Variants in DNAJC10 observed in about 807,000 individuals in gnomAD.
The protein encoded by DNAJC10 is endoplasmic reticulum disulfide reductase DNAJC10.
A neutral mutation model predicts 115.0 loss-of-function variants in DNAJC10; 101 were observed. The observed-to-expected ratio is 0.88, with a 90% CI of 0.75 to 1.04. The LOEUF (loss-of-function observed/expected upper bound fraction) is 1.04. Among genes scored for constraint, DNAJC10 ranks in the 50% least tolerant of loss-of-function variants. The pLI is 0.00. For missense variants in DNAJC10, 981 were observed against 928.8 expected, an observed-to-expected ratio of 1.06 and a Z score of -0.73; for synonymous variants, 307 against 301.5, an observed-to-expected ratio of 1.02 and a Z score of -0.19.
chr2:182,744,744 C>T (rs1275879809), intron 14 of DNAJC10, among the ~76,000 whole-genome samples: 1 of 152,046 alleles, frequency 6.6e-6, no homozygotes, highest in African/African-American at 2.4e-5. Flanking sequence ...AAGTAACTTG[C>T]CCTATGACAG....
At chr2:182,724,582 A>T (rs1253679027) in intron 5 of DNAJC10, among the ~76,000 whole-genome samples, 5 of 152,194 alleles carry the variant, frequency 3.3e-5, no homozygotes, top group Non-Finnish European at 7.4e-5. Context: ...CTCAGTGTTC[A>T]CCTACATTTC....
chr2:182,729,717 T>G, intron 7 of DNAJC10, 131 bp from the exon 8 acceptor site: 1 of 512,078 alleles, frequency 2.0e-6, no homozygotes, highest in South Asian at 3.5e-5. Flanking sequence ...TGGAAATACA[T>G]TCTGCTATTG....
In DNAJC10 at chr2:182,757,787, A is replaced by AT. The variant is rs1283431287; in HGVS notation, c.1911dup (p.Pro638SerfsTer6). The stretch of plus-strand genomic sequence containing the variant: ...ACGTTCAAAGATACCCTGAGATAAG[A>AT]TTTTTTCCCCCAAAATCAAATAAAG... On this transcript the variant is annotated frameshift_variant, in exon 19 of 24. Transcript: ENST00000264065. LOFTEE classifies it high-confidence loss of function. The AT allele has an allele frequency of 1.9e-6, 3 of 1,561,816 alleles. No individual in the cohort carries two copies. Among genetic ancestry groups the AT allele is most frequent in the African/African-American group, 1.4e-5 (1 of 73,342 alleles).
chr2:182,763,356 A>G (rs774193338), intron 22 of DNAJC10, among the ~76,000 whole-genome samples: 3 of 152,168 alleles, frequency 2.0e-5, no homozygotes, highest in Admixed American at 6.6e-5. Flanking sequence ...CTTTTTGTCC[A>G]GAGCTTATAG....
chr2:182,785,474 T>G lies in DNAJC10; in HGVS notation c.*8342T>G, dbSNP rs189545666. On this transcript the variant is annotated 3_prime_UTR_variant, in exon 24 of 24. Transcript: ENST00000264065. ...GTTTGGAAAAATTGCTTACTTCATA[T>G]CTGTATCCTAATTATCCTAATTAAC... The G allele has an allele frequency of 1.3e-5, 2 of 152,260 alleles. No individual in the cohort carries two copies. Among genetic ancestry groups the G allele is most frequent in the East Asian group, 1.9e-4 (1 of 5,184 alleles). The allele number at this position is 152,260 out of a possible 1,614,324, so 9.4% of individuals were successfully genotyped here. A position where few individuals can be genotyped will look rare whatever the true frequency, so the allele number is the denominator to read the frequency against.
chr2:182,741,953 C>T (rs562362267), intron 13 of DNAJC10, among the ~76,000 whole-genome samples: 177 of 151,578 alleles, frequency 1.2e-3, no homozygotes, highest in African/African-American at 3.8e-3. Flanking sequence ...TTCTGTCATA[C>T]AACAATATCA....
intron 22 of DNAJC10, among the ~76,000 whole-genome samples, chr2:182,765,842 C>T (rs1273733063): frequency 2.0e-5 from 3 of 152,184 alleles, no homozygotes; most frequent in South Asian, 2.1e-4. Context: ...ATATGCAAAT[C>T]GAGCACTAAG....
At position 182,757,691 on chromosome 2, in the gene DNAJC10, G is replaced by T; in HGVS notation, c.1810-1G>T. 6.6e-7 allele frequency: 1 copy of T among 1,511,902 alleles called. No individual in the cohort carries two copies. Among genetic ancestry groups the T allele is most frequent in the Non-Finnish European group, 8.8e-7 (1 of 1,133,056 alleles). 93.7% of individuals were successfully genotyped at this position (1,511,902 alleles called of 1,614,324 possible). ...GAGGTAATCTGTTTTTTCTTTTACA[G>T]ACATTAACTGGACTGATCAACGTGG... On this transcript the variant is annotated splice_acceptor_variant, in intron 18 of 23. Coordinates refer to ENST00000264065, the MANE Select transcript of DNAJC10 (RefSeq NM_018981.4). LOFTEE classifies it high-confidence loss of function.
rs954017158 is a variant in DNAJC10 at position 182,782,801 on chromosome 2, C to T, written c.*5669C>T. 2 of 152,170 alleles carry T rather than the reference C, an allele frequency of 1.3e-5. No individual in the cohort carries two copies. The highest frequency in any genetic ancestry group is 2.9e-5 in the Non-Finnish European group (2 of 68,036). The allele number at this position is 152,170 out of a possible 1,614,324, so 9.4% of individuals were successfully genotyped here. A position where few individuals can be genotyped will look rare whatever the true frequency, so the allele number is the denominator to read the frequency against. On this transcript the variant is annotated 3_prime_UTR_variant, in exon 24 of 24. Transcript: ENST00000264065. ...AGACTTTGCTGAAGTTGCTTATCAG[C>T]TTAAGGAGTTTTTGGGCTGAGATGA...
At chr2:182,732,191 G>T (rs1372855131) in intron 9 of DNAJC10, among the ~76,000 whole-genome samples, 2 of 151,940 alleles carry the variant, frequency 1.3e-5, no homozygotes, top group Admixed American at 6.6e-5. Context: ...GGATAAAATG[G>T]ATTGTTGATA....
At chr2:182,756,625 G>C (rs1261354901) in intron 18 of DNAJC10, among the ~76,000 whole-genome samples, 156 bp downstream of exon 18, 1 of 152,012 alleles carries the variant, frequency 6.6e-6, no homozygotes. Flanking sequence ...GTTTCTGTCT[G>C]GTGTGTGAAT....
intron 9 of DNAJC10, among the ~76,000 whole-genome samples, chr2:182,731,467 T>C (rs188668622): frequency 3.5e-4 from 53 of 151,812 alleles, no homozygotes; most frequent in Non-Finnish European, 5.8e-4. Context: ...ATATGGACTT[T>C]GCTTCATGCT....
chr2:182,738,790 T>C (rs1372723188), intron 11 of DNAJC10, among the ~76,000 whole-genome samples: 1 of 152,164 alleles, frequency 6.6e-6, no homozygotes, highest in African/African-American at 2.4e-5. Flanking sequence ...TCTGCCGGCC[T>C]CGGCCTCCCA....
At chr2:182,749,967 G>A (rs1693974310) in intron 14 of DNAJC10, among the ~76,000 whole-genome samples, 1 of 152,188 alleles carries the variant, frequency 6.6e-6, no homozygotes, top group Admixed American at 6.6e-5. Context: ...GGAGGCCTAA[G>A]TTCCTCACTG....
chr2:182,732,410 A>C (rs956863192), intron 9 of DNAJC10, 89 bp from the exon 10 acceptor site: 2 of 1,244,772 alleles, frequency 1.6e-6, no homozygotes, highest in Non-Finnish European at 2.4e-6. Context: ...CTTCGAATGA[A>C]CATGGTAATT....
chr2:182,738,642 A>T (rs546155296), intron 11 of DNAJC10, among the ~76,000 whole-genome samples: 4 of 151,724 alleles, frequency 2.6e-5, no homozygotes, highest in African/African-American at 9.7e-5. Context: ...CCGGGTTCAC[A>T]CCATTCTCCT....
chr2:182,775,445 T>C, intron 23 of DNAJC10, 25 bp downstream of exon 23: 1 of 1,551,710 alleles, frequency 6.4e-7, no homozygotes. Context: ...TAGAGTTGAC[T>C]TTGGCAAAAG....
chr2:182,728,995 GTAAGGGA>G lies in DNAJC10; in HGVS notation c.633+5_633+11del. The G allele has an allele frequency of 6.2e-7, 1 of 1,613,844 alleles. No individual in the cohort carries two copies. The highest frequency in any genetic ancestry group is 1.3e-5 in the African/African-American group (1 of 75,034). ...CCTCTTCATTTTTCGGTCTGGAATG[GTAAGGGA>G]TAAAGTTAGCATTTTTTAAATTTGT... On this transcript the variant is annotated splice_donor_variant and splice_donor_5th_base_variant and intron_variant, in intron 7 of 23. Transcript: ENST00000264065. LOFTEE classifies it high-confidence loss of function.
In DNAJC10 at chr2:182,788,934, AATTT is replaced by A. The variant is rs1335315189; in HGVS notation, c.*11806_*11809del. ...AATTGTGATAAAGTACATGTAACAA[AATTT>A]ATTAATCATTTTAAAGTAGCATACA... On this transcript the variant is annotated 3_prime_UTR_variant, in exon 24 of 24. Transcript: ENST00000264065. The A allele has an allele frequency of 9.9e-6, 4 of 405,716 alleles. No homozygotes were observed. Among genetic ancestry groups the A allele is most frequent in the African/African-American group, 2.1e-5 (1 of 47,586 alleles). The allele number at this position is 405,716 out of a possible 1,614,324, so 25.1% of individuals were successfully genotyped here. A position where few individuals can be genotyped will look rare whatever the true frequency, so the allele number is the denominator to read the frequency against.
Sources: gnomAD v4.1 joint callset for allele counts (sites outside exome capture counted in the v4.1 genomes callset) on GRCh38, gnomAD v4.1.1 for gene constraint, MANE v1.5 for transcripts, NCBI Gene and HGNC (gene_info 2026-07-23, HGNC 2026-07-21) for gene names.